The following LARS2 variants were observed in gnomAD, a reference collection of about 807,000 sequenced individuals.
The protein encoded by LARS2 is leucyl-tRNA synthetase 2, mitochondrial.
LARS2 carries 81 observed loss-of-function variants against 116.6 expected under a neutral mutation model. The observed-to-expected ratio is 0.69, with a 90% confidence interval of 0.58 to 0.84. LARS2 has a LOEUF of 0.84. LARS2 is among the 40% of genes least tolerant of loss of function. The pLI is 0.00. For missense variants in LARS2, 968 were observed against 1,114.5 expected (o/e 0.87, Z 1.87); for synonymous variants, 396 against 407.2 (o/e 0.97, Z 0.33).
intron 6 of LARS2, among the ~76,000 whole-genome samples, chr3:45,441,949 T>A (rs1698919519): frequency 6.6e-6 from 1 of 152,184 alleles, no homozygotes; most frequent in Non-Finnish European, 1.5e-5. Context: ...GGAGGAACAA[T>A]TCTAGTTGGA....
intron 10 of LARS2, among the ~76,000 whole-genome samples, chr3:45,482,243 C>T (rs1440873968): frequency 6.6e-6 from 1 of 152,114 alleles, no homozygotes; most frequent in Non-Finnish European, 1.5e-5. Context: ...ACCTTAATAT[C>T]CTAAGTCTTT....
At chr3:45,417,316 T>C (rs539152169) in intron 4 of LARS2, among the ~76,000 whole-genome samples, 166 bp from the exon 5 acceptor site, 12 of 152,322 alleles carry the variant, frequency 7.9e-5, no homozygotes, top group Middle Eastern at 3.4e-3. Flanking sequence ...TTGTGTTCTA[T>C]GGTTACGTCA....
chr3:45,503,672 T>G (rs1027394699), intron 15 of LARS2, among the ~76,000 whole-genome samples: 2 of 152,092 alleles, frequency 1.3e-5, no homozygotes, highest in African/African-American at 4.8e-5. Flanking sequence ...GCTGGATTTT[T>G]TTTTTCAGTT....
chr3:45,472,574 A>T (rs1272165570), intron 8 of LARS2, among the ~76,000 whole-genome samples: 1 of 152,228 alleles, frequency 6.6e-6, no homozygotes, highest in Non-Finnish European at 1.5e-5. Context: ...TAAATAAGAT[A>T]ATAGAAGCAG....
Position 45,500,528 on chromosome 3 carries a change from A to G in LARS2, c.1709A>G (p.Tyr570Cys), listed in dbSNP as rs1321476139. 2.5e-6 allele frequency: 4 copies of G among 1,577,270 alleles called. No individual in the cohort carries two copies. The highest frequency in any genetic ancestry group is 2.4e-5 in the East Asian group (1 of 41,916). The change falls in exon 15 of 22, where the codon TAT (tyrosine) becomes TGT (cysteine). Residue 570 changes from tyrosine to cysteine, a missense_variant. Coordinates refer to ENST00000645846, the MANE Select transcript of LARS2 (RefSeq NM_015340.4). Reference sequence around the variant, plus strand: ...GAACATGCCGTCATGCACTTGTTCTATGCAAGATTCTTTAGTCATTTTTGC... The same window carrying G: ...GAACATGCCGTCATGCACTTGTTCTGTGCAAGATTCTTTAGTCATTTTTGC... ...GKEHAVMHLFYARFFSHFCHD... is the reference protein window; with the variant it reads ...GKEHAVMHLFCARFFSHFCHD...
At chr3:45,478,690 A>G (rs951263514) in intron 10 of LARS2, among the ~76,000 whole-genome samples, 1 of 152,180 alleles carries the variant, frequency 6.6e-6, no homozygotes, top group Admixed American at 6.5e-5. Flanking sequence ...AATTATTCCA[A>G]ATGGAACATT....
intron 15 of LARS2, 90 bp from the exon 16 acceptor site, chr3:45,513,045 C>T (rs1428051609): frequency 4.6e-6 from 4 of 868,106 alleles, no homozygotes; most frequent in Non-Finnish European, 7.8e-6. Context: ...GCAGCTACTT[C>T]TGCCCATCCG....
chr3:45,395,229 G>A (rs972585302), intron 3 of LARS2, among the ~76,000 whole-genome samples: 1 of 152,214 alleles, frequency 6.6e-6, no homozygotes, highest in African/African-American at 2.4e-5. Context: ...TGCTGCCTTA[G>A]CATCATGGTT....
At chr3:45,541,473 T>G (rs1700795549) in intron 20 of LARS2, 1 of 228,258 alleles carries the variant, frequency 4.4e-6, no homozygotes, top group South Asian at 9.9e-5. Flanking sequence ...CGAATGCTGC[T>G]CAGTACTTTG....
At chr3:45,502,162 T>C (rs1700132511) in intron 15 of LARS2, among the ~76,000 whole-genome samples, 1 of 152,070 alleles carries the variant, frequency 6.6e-6, no homozygotes, top group Admixed American at 6.6e-5. Flanking sequence ...CTTAATGAAG[T>C]TTATCATGTT....
chr3:45,543,026 C>A (rs1700820956), intron 21 of LARS2, among the ~76,000 whole-genome samples: 1 of 152,210 alleles, frequency 6.6e-6, no homozygotes, highest in South Asian at 2.1e-4. Context: ...CTGTGCAGAC[C>A]CAAGGCCCAG....
intron 20 of LARS2, among the ~76,000 whole-genome samples, chr3:45,533,798 C>A (rs1169579282): frequency 6.6e-6 from 1 of 152,164 alleles, no homozygotes; most frequent in Non-Finnish European, 1.5e-5. Context: ...ATTTCTGTGA[C>A]CAGATCTCCA....
chr3:45,418,774 A>G (rs1698472087), intron 5 of LARS2, among the ~76,000 whole-genome samples: 1 of 152,232 alleles, frequency 6.6e-6, no homozygotes. Context: ...AGTTAAGATG[A>G]TGGCCCCTGA....
At chr3:45,524,891 T>G (rs1700511038) in intron 20 of LARS2, among the ~76,000 whole-genome samples, 1 of 152,154 alleles carries the variant, frequency 6.6e-6, no homozygotes, top group Non-Finnish European at 1.5e-5. Flanking sequence ...TAAGCTTGAG[T>G]GATAAGAAGA....
chr3:45,458,268 C>T (rs1699246547), intron 7 of LARS2, among the ~76,000 whole-genome samples: 1 of 152,084 alleles, frequency 6.6e-6, no homozygotes, highest in Admixed American at 6.6e-5. Context: ...GATGGAAGCA[C>T]AGAGGAAATT....
rs543456692 is a variant in LARS2, at chr3:45,477,295, A to G, written c.1018+668A>G. On this transcript the variant is annotated intron_variant, in intron 10 of 21. Transcript: ENST00000645846. ...TGTGGGGAAGCCCGTTGCTAGAGGAACAGCTGAAGAGGCAGTCCGAAGGGG... is the reference window on the plus strand; with the variant it reads ...TGTGGGGAAGCCCGTTGCTAGAGGAGCAGCTGAAGAGGCAGTCCGAAGGGG... Among the ~76,000 whole-genome samples the G allele has an allele frequency of 9.2e-5, 14 of 152,328 alleles. No individual in the cohort carries two copies. In the South Asian group the frequency reaches 2.9e-3, roughly 32 times the overall value.
intron 5 of LARS2, 127 bp downstream of exon 5, chr3:45,417,700 T>C: frequency 1.6e-6 from 1 of 626,782 alleles, no homozygotes; most frequent in Middle Eastern, 4.0e-4. Context: ...ATAAATATGA[T>C]TGTGTATATT....
chr3:45,391,341 C>T (rs887064354), intron 1 of LARS2, among the ~76,000 whole-genome samples: 2 of 151,798 alleles, frequency 1.3e-5, no homozygotes, highest in African/African-American at 2.4e-5. Flanking sequence ...AAAAATTAGC[C>T]GGGTGTGGTG....
chr3:45,481,121 C>T (rs1333247746), intron 10 of LARS2, among the ~76,000 whole-genome samples: 1 of 152,124 alleles, frequency 6.6e-6, no homozygotes, highest in African/African-American at 2.4e-5. Context: ...CTATTCTGGA[C>T]ATTTCATGTA....
Sources: allele counts gnomAD v4.1 joint callset (sites outside exome capture counted in the v4.1 genomes callset), GRCh38; gene constraint gnomAD v4.1.1; transcripts MANE v1.5; gene names NCBI Gene and HGNC (gene_info 2026-07-23, HGNC 2026-07-21).